Variants in GRK2 observed in about 807,000 individuals in gnomAD.
GRK2 encodes adrenergic beta receptor kinase 1.
In GRK2, 23 loss-of-function variants were observed where a neutral mutation model predicts 97.8. The observed-to-expected ratio is 0.24, with a 90% CI of 0.17 to 0.33. The LOEUF is 0.33. GRK2 is among the 10% of genes least tolerant of loss of function. The pLI is 1.00. For missense variants in GRK2, 633 were observed against 956.9 expected, an observed-to-expected ratio of 0.66 and a Z score of 4.47; for synonymous variants, 425 against 381.7, an observed-to-expected ratio of 1.11 and a Z score of -1.32.
Position 67,276,959 on chromosome 11 carries a change from T to C in GRK2, c.114-313T>C. On this transcript the variant is annotated intron_variant, in intron 1 of 20. Coordinates refer to ENST00000308595, the MANE Select transcript of GRK2 (RefSeq NM_001619.5). This position sits in a 1 kb window ranked among gnomAD's most constrained non-coding sequence, Gnocchi z 4.2. The stretch of plus-strand genomic sequence containing the variant: ...CAAACCAGGCTTGGCTTTTGTGACT[T>C]GGCCAAGTTCCCAAAGCCAGCCGGT... The C allele has an allele frequency of 3.9e-6, 1 of 259,142 alleles. No homozygotes were observed. The highest frequency in any genetic ancestry group is 7.5e-6 in the Non-Finnish European group (1 of 134,006). The allele number at this position is 259,142 out of a possible 1,614,324, so 16.1% of individuals were successfully genotyped here. A position where few individuals can be genotyped will look rare whatever the true frequency, so the allele number is the denominator to read the frequency against.
intron 15 of GRK2, 163 bp downstream of exon 15, chr11:67,283,391 G>T: frequency 1.5e-6 from 1 of 670,938 alleles, no homozygotes; most frequent in Non-Finnish European, 2.6e-6. Flanking sequence ...TGGAGGGGCT[G>T]CCCTGGGAGT....
At chr11:67,283,658 C>G (rs555013209) in intron 15 of GRK2, 49 bp from the exon 16 acceptor site, 131 of 1,594,110 alleles carry the variant, frequency 8.2e-5, no homozygotes, top group Non-Finnish European at 1.1e-4. Context: ...GGAGTTAAGC[C>G]CGGGACTCAG....
At chr11:67,273,147 A>G (rs1239983180) in intron 1 of GRK2, among the ~76,000 whole-genome samples, 1 of 152,178 alleles carries the variant, frequency 6.6e-6, no homozygotes, top group African/African-American at 2.4e-5. Flanking sequence ...TCCTCATTTT[A>G]CAGCTGGGGA....
Position 67,284,050 on chromosome 11 carries a change from G to C in GRK2, c.1491+101G>C. ...ACCTGTGAGACCCTGTGCCAGCCCTGCCAGCTTGTAGGCCTCAGTTCCTCC... is the reference window on the plus strand; with the variant it reads ...ACCTGTGAGACCCTGTGCCAGCCCTCCCAGCTTGTAGGCCTCAGTTCCTCC... On this transcript the variant is annotated intron_variant, in intron 17 of 20. Transcript: ENST00000308595. The C allele has an allele frequency of 4.9e-6, 7 of 1,422,572 alleles. No individual in the cohort carries two copies. In the South Asian group the frequency reaches 8.8e-5, roughly 18 times the overall value. The allele number at this position is 1,422,572 out of a possible 1,614,324, so 88.1% of individuals were successfully genotyped here.
At chr11:67,277,017 G>A in intron 1 of GRK2, 1 of 375,992 alleles carries the variant, frequency 2.7e-6, no homozygotes, top group East Asian at 4.5e-5. Context: ...ACAGGCGGTG[G>A]GCCTCTGAGC....
rs1433587913 is a variant in GRK2 at position 67,266,564 on chromosome 11, G to T, written c.-136G>T. Reference sequence around the variant, plus strand: ...TGTGAGCGGCGGCGAGCGGAGCCGCGGGCGCCGAGCAGGGCCAGGCGGGAG... The same window carrying T: ...TGTGAGCGGCGGCGAGCGGAGCCGCTGGCGCCGAGCAGGGCCAGGCGGGAG... On this transcript the variant is annotated 5_prime_UTR_variant, in exon 1 of 21. Transcript: ENST00000308595. 7.7e-5 allele frequency: 12 copies of T among 154,912 alleles called. No individual in the cohort carries two copies. Among genetic ancestry groups the T allele is most frequent in the South Asian group, 1.9e-4 (1 of 5,166 alleles). The allele number at this position is 154,912 out of a possible 1,614,324, so 9.6% of individuals were successfully genotyped here.
Position 67,266,827 on chromosome 11 carries a change from C to A in GRK2, c.113+15C>A. ...CCCGAGCCCAGGTGAGGAGAAGCTG[C>A]CCGCGGCCCCGGCCCGACCCCGCGG... On this transcript the variant is annotated intron_variant, in intron 1 of 20. Coordinates refer to ENST00000308595, the MANE Select transcript of GRK2 (RefSeq NM_001619.5). The A allele has an allele frequency of 8.2e-7, 1 of 1,220,290 alleles. No homozygotes were observed. Among genetic ancestry groups the A allele is most frequent in the East Asian group, 3.6e-5 (1 of 27,810 alleles). The allele number at this position is 1,220,290 out of a possible 1,614,324, so 75.6% of individuals were successfully genotyped here.
Position 67,282,192 on chromosome 11 carries a change from G to A in GRK2, c.958-79G>A. On this transcript the variant is annotated intron_variant, in intron 11 of 20. Transcript: ENST00000308595. The surrounding 1 kb of genome is among the most constrained non-coding windows in gnomAD (Gnocchi z 6.9). Reference sequence around the variant, plus strand: ...GGTACCCATCGTCCTCTCCAGTGAAGCAGTGACCCAGCTGGCATCTTGCCT... The same window carrying A: ...GGTACCCATCGTCCTCTCCAGTGAAACAGTGACCCAGCTGGCATCTTGCCT... The A allele has an allele frequency of 7.0e-7, 1 of 1,420,260 alleles. No individual in the cohort carries two copies. Among genetic ancestry groups the A allele is most frequent in the African/African-American group, 1.4e-5 (1 of 70,450 alleles). 88.0% of individuals were successfully genotyped at this position (1,420,260 alleles called of 1,614,324 possible).
chr11:67,282,463 G>T lies in GRK2; in HGVS notation c.1081G>T (p.Val361Phe). The part of the protein sequence containing the change: ...VGTHGYMAPE[V>F]LQKGVAYDSS... ...CACCCACGGGTACATGGCTCCGGAGGTCCTGCAGAAGGGCGTGGCCTACGA... is the reference window on the plus strand; with the variant it reads ...CACCCACGGGTACATGGCTCCGGAGTTCCTGCAGAAGGGCGTGGCCTACGA... Residue 361 changes from valine (V) to phenylalanine (F), a missense_variant, in exon 13 of 21, where the codon GTC becomes TTC. By Grantham distance (50) the Val-to-Phe change is conservative. Transcript: ENST00000308595. This position sits in a 1 kb window ranked among gnomAD's most constrained non-coding sequence, Gnocchi z 6.9. 6.2e-7 allele frequency: 1 copy of T among 1,613,736 alleles called. No individual in the cohort carries two copies.
chr11:67,284,291 T>G lies in GRK2; in HGVS notation c.1572T>G (p.Thr524=). The G allele has an allele frequency of 6.2e-7, 1 of 1,613,482 alleles. No homozygotes were observed. The highest frequency in any genetic ancestry group is 8.5e-7 in the Non-Finnish European group (1 of 1,179,986). Residue 524 remains threonine, a synonymous_variant, in exon 18 of 21, where the codon ACT becomes ACG. Transcript: ENST00000308595. The part of the protein sequence containing the change: ...SERWQQEVAE[T]VFDTINAETD... Reference sequence around the variant, plus strand: ...GGTGGCAGCAGGAGGTGGCAGAGACTGTCTTCGACACCATCAACGCTGAGA... The same window carrying G: ...GGTGGCAGCAGGAGGTGGCAGAGACGGTCTTCGACACCATCAACGCTGAGA...
Position 67,283,176 on chromosome 11 carries a change from G to A in GRK2, c.1276G>A (p.Glu426Lys). ...CTCCCCTGAACTACGCTCCCTGCTG[G>A]AGGGGTTGCTGCAGAGGGATGTCAA... ...SFSPELRSLL[E>K]GLLQRDVNRR... The change falls in exon 15 of 21, where the codon GAG becomes AAG. Residue 426 changes from glutamate (E) to lysine (K), a missense_variant. Coordinates refer to ENST00000308595, the MANE Select transcript of GRK2 (RefSeq NM_001619.5). 1 of 1,613,996 alleles carries A rather than the reference G, an allele frequency of 6.2e-7. No homozygotes were observed. Among genetic ancestry groups the A allele is most frequent in the Non-Finnish European group, 8.5e-7 (1 of 1,179,976 alleles).
chr11:67,271,678 C>G (rs370143901), intron 1 of GRK2, among the ~76,000 whole-genome samples: 1 of 152,252 alleles, frequency 6.6e-6, no homozygotes, highest in Non-Finnish European at 1.5e-5. Flanking sequence ...GCCGACACGA[C>G]GTTCCGGAGC....
chr11:67,277,203 C>G (rs948861216), intron 1 of GRK2, 69 bp from the exon 2 acceptor site: 3 of 1,511,328 alleles, frequency 2.0e-6, no homozygotes, highest in South Asian at 1.1e-5. Context: ...GCCCTCAGCT[C>G]GCGTTTCTGG....
intron 18 of GRK2, chr11:67,284,632 C>CA (rs1860230389): frequency 2.7e-6 from 2 of 748,608 alleles, no homozygotes; most frequent in Admixed American, 3.0e-5. Context: ...CAAAAAATAC[C>CA]AAAAAAATTA....
Position 67,274,495 on chromosome 11 carries a change from C to CTTTTTTTTTTTTTTTTTTTTTTT in GRK2, c.114-2772_114-2750dup, listed in dbSNP as rs57767154. Among the ~76,000 whole-genome samples the CTTTTTTTTTTTTTTTTTTTTTTT allele has an allele frequency of 3.3e-3, 74 of 22,474 alleles. 12 individuals carry two copies. Among genetic ancestry groups the CTTTTTTTTTTTTTTTTTTTTTTT allele is most frequent in the Non-Finnish European group, 5.1e-3 (54 of 10,620 alleles). The allele number at this position is 22,474 out of a possible 152,430, so 14.7% of individuals were successfully genotyped here. On this transcript the variant is annotated intron_variant, in intron 1 of 20. Coordinates refer to ENST00000308595, the MANE Select transcript of GRK2 (RefSeq NM_001619.5). ...TCGCTACCTTCCGCTTGACCAGCACCTTTTTTTTTTTTTTTTTTTTTTTTT... is the reference window on the plus strand; with the variant it reads ...TCGCTACCTTCCGCTTGACCAGCACCTTTTTTTTTTTTTTTTTTTTTTTTTTTTTTTTTTTTTTTTTTTTTTTT...
At chr11:67,284,647 G>A in intron 18 of GRK2, 200 bp from the exon 19 acceptor site, 1 of 769,412 alleles carries the variant, frequency 1.3e-6, no homozygotes, top group South Asian at 1.9e-5. Flanking sequence ...AAATTAGCCG[G>A]GCATGGTGGC....
At chr11:67,266,845 C>A (rs1859812503) in intron 1 of GRK2, 33 bp downstream of exon 1, 6 of 1,100,350 alleles carry the variant, frequency 5.5e-6, no homozygotes, top group Non-Finnish European at 6.9e-6. Flanking sequence ...CCCGGCCCGA[C>A]CCCGCGGGCG....
At position 67,282,039 on chromosome 11, in the gene GRK2, G is replaced by T; in HGVS notation, c.957+87G>T. On this transcript the variant is annotated intron_variant, in intron 11 of 20. Coordinates refer to ENST00000308595, the MANE Select transcript of GRK2 (RefSeq NM_001619.5). This position sits in a 1 kb window ranked among gnomAD's most constrained non-coding sequence, Gnocchi z 6.9. ...TCCCGGCCACCAGGCCCAGAGGAGT[G>T]GGGCTCCTGGGACATGGCCGCCCCG... 1.3e-6 allele frequency: 2 copies of T among 1,556,846 alleles called. No individual in the cohort carries two copies. The highest frequency in any genetic ancestry group is 2.3e-5 in the East Asian group (1 of 44,356).
chr11:67,281,551 G>T lies in GRK2; in HGVS notation c.740G>T (p.Ser247Ile). 1 of 1,613,426 alleles carries T rather than the reference G, an allele frequency of 6.2e-7. No homozygotes were observed. Among genetic ancestry groups the T allele is most frequent in the Non-Finnish European group, 8.5e-7 (1 of 1,179,908 alleles). ...LNERIMLSLV[S>I]TGDCPFIVCM... ...GAGCGCATCATGCTCTCGCTCGTCA[G>T]CACTGGGGTGAGCTGGGTGGGCCGG... The change falls in exon 9 of 21, where the codon AGC becomes ATC. Residue 247 changes from serine to isoleucine, a missense_variant. Ser to Ile is a moderately radical substitution (Grantham distance 142, BLOSUM62 -2). Transcript: ENST00000308595. This position sits in a 1 kb window ranked among gnomAD's most constrained non-coding sequence, Gnocchi z 5.7.
Sources: gnomAD v4.1 joint callset for allele counts (sites outside exome capture counted in the v4.1 genomes callset) on GRCh38, gnomAD v4.1.1 for gene constraint, Gnocchi (gnomAD v3.1) non-coding constraint, MANE v1.5 for transcripts, NCBI Gene and HGNC (gene_info 2026-07-23, HGNC 2026-07-21) for gene names.